Variants in TPO observed in about 807,000 individuals in gnomAD.
TPO encodes thyroid microsomal antigen.
TPO carries 78 observed loss-of-function variants against 96.9 expected under a neutral mutation model. That is an observed-to-expected ratio of 0.81 (90% CI 0.67 to 0.97). The LOEUF (loss-of-function observed/expected upper bound fraction) is 0.97. TPO is among the 50% of genes least tolerant of loss of function. The pLI, the probability that TPO is intolerant of heterozygous loss-of-function variation, is 0.00. For synonymous variants in TPO, 547 were observed against 538.0 expected (o/e 1.02, Z -0.23); for missense variants, 1,252 against 1,274.8 (o/e 0.98, Z 0.27).
rs981172654 is a variant in TPO, at chr2:1,394,412, C to T, written n.180+20010C>T. ...CAGAAGCACCTTGATCTGCCAAGAC[C>T]TCAAAATACGGGCTGGCCCAGCCAC... On this transcript the variant is annotated intron_variant and non_coding_transcript_variant, in intron 1 of 5. Transcript: ENST00000497517. 5.9e-4 allele frequency among the ~76,000 whole-genome samples: 90 copies of T among 152,304 alleles called. 1 individual carries two copies. Among genetic ancestry groups the T allele is most frequent in the African/African-American group, 2.1e-3 (89 of 41,576 alleles).
intron 5 of TPO, among the ~76,000 whole-genome samples, chr2:1,453,055 C>T (rs888770729): frequency 6.6e-6 from 1 of 152,218 alleles, no homozygotes; most frequent in African/African-American, 2.4e-5. Flanking sequence ...CCATTGTCAT[C>T]GCCAAATCAA....
At chr2:1,432,952 C>T (rs1022131049) in intron 3 of TPO, among the ~76,000 whole-genome samples, 3 of 152,152 alleles carry the variant, frequency 2.0e-5, no homozygotes, top group Non-Finnish European at 2.9e-5. Context: ...TTTGCTGCCC[C>T]GTTCTAGGGC....
intron 9 of TPO, among the ~76,000 whole-genome samples, chr2:1,487,022 G>A (rs1385142775): frequency 6.6e-6 from 1 of 152,184 alleles, no homozygotes; most frequent in Non-Finnish European, 1.5e-5. Flanking sequence ...TAAAGACTCT[G>A]GTGGCATGCA....
intron 15 of TPO, among the ~76,000 whole-genome samples, chr2:1,533,805 G>A (rs1405056788): frequency 3.8e-5 from 1 of 26,084 alleles, no homozygotes; most frequent in Admixed American, 6.5e-4. Flanking sequence ...TGTGTGCAAC[G>A]TCCCCAAATC....
intron 1 of TPO, among the ~76,000 whole-genome samples, chr2:1,404,410 C>T (rs1018683294): frequency 6.6e-6 from 1 of 152,116 alleles, no homozygotes; most frequent in Non-Finnish European, 1.5e-5. Context: ...TGAACTGTGT[C>T]CCCAGGGTTC....
At chr2:1,461,260 C>G (rs1668406840) in intron 7 of TPO, among the ~76,000 whole-genome samples, 1 of 152,172 alleles carries the variant, frequency 6.6e-6, no homozygotes, top group Non-Finnish European at 1.5e-5. Context: ...CCAGAGGCTC[C>G]TTCCTCCACC....
At chr2:1,439,227 A>C in intron 5 of TPO, 1 of 202,542 alleles carries the variant, frequency 4.9e-6, no homozygotes, top group Non-Finnish European at 1.0e-5. Context: ...TGACCACACA[A>C]TGACATTGGC....
intron 15 of TPO, among the ~76,000 whole-genome samples, chr2:1,526,279 C>T (rs1269962084): frequency 8.4e-6 from 1 of 119,180 alleles, no homozygotes; most frequent in East Asian, 2.9e-4. Flanking sequence ...CCAGTCCCCC[C>T]ACAGTGTGCA....
intron 7 of TPO, among the ~76,000 whole-genome samples, chr2:1,461,385 T>G (rs1254979693): frequency 4.6e-5 from 7 of 152,232 alleles, no homozygotes; most frequent in African/African-American, 1.4e-4. Flanking sequence ...TAAAGCAAGT[T>G]AAAGATTTTG....
chr2:1,512,047 T>C (rs1674189716), intron 14 of TPO, among the ~76,000 whole-genome samples: 1 of 152,304 alleles, frequency 6.6e-6, no homozygotes, highest in South Asian at 2.1e-4. Flanking sequence ...ATCTTTTTTT[T>C]TTTTGAGACG....
At chr2:1,504,376 G>C (rs1400106565) in intron 14 of TPO, among the ~76,000 whole-genome samples, 1 of 152,076 alleles carries the variant, frequency 6.6e-6, no homozygotes, top group Non-Finnish European at 1.5e-5. Flanking sequence ...TCACACCCCA[G>C]ACAAAAAACC....
intron 2 of TPO, among the ~76,000 whole-genome samples, chr2:1,421,417 A>G (rs1030401434): frequency 2.6e-5 from 4 of 152,144 alleles, no homozygotes; most frequent in African/African-American, 9.7e-5. Flanking sequence ...AAACCGCGCC[A>G]GGTGAAGTGA....
intron 1 of TPO, among the ~76,000 whole-genome samples, chr2:1,404,671 T>C (rs10890517): frequency 0.97 from 147,957 of 152,254 alleles, 71,911 homozygotes; most frequent in East Asian, 1. Flanking sequence ...GACTCTTGGA[T>C]GTTTGGTCTC....
chr2:1,508,772 C>T (rs1331850572), intron 14 of TPO, among the ~76,000 whole-genome samples: 2 of 152,088 alleles, frequency 1.3e-5, no homozygotes, highest in African/African-American at 2.4e-5. Context: ...TGATTCTTCT[C>T]TCTTTTCTTC....
chr2:1,540,832 TGTTTCCTAGTCC>T, intron 16 of TPO, 109 bp downstream of exon 16: 1 of 1,589,122 alleles, frequency 6.3e-7, no homozygotes, highest in Non-Finnish European at 8.6e-7. Flanking sequence ...GTTTACTCCG[TGTTTCCTAGTCC>T]GTTCTGCACC....
Position 1,484,528 on chromosome 2 carries a change from A to G in TPO, c.1339-68A>G, listed in dbSNP as rs965814391. 22 of 1,607,258 alleles carry G rather than the reference A, an allele frequency of 1.4e-5. 1 individual carries two copies. In the Admixed American group the frequency reaches 3.2e-4, roughly 23 times the overall value. ...GCTGTCAAGGAAGATGCTCTTCCAC[A>G]CTGCCGCTCGAGGCGACCCTCCTCT... On this transcript the variant is annotated intron_variant, in intron 8 of 16. Transcript: ENST00000329066.
chr2:1,500,628 C>T (rs1444901544), intron 13 of TPO, among the ~76,000 whole-genome samples: 1 of 152,176 alleles, frequency 6.6e-6, no homozygotes, highest in African/African-American at 2.4e-5. Context: ...CTGCTCTCTT[C>T]TCTATTCAAA....
chr2:1,444,458 A>G (rs891800792), intron 5 of TPO, among the ~76,000 whole-genome samples: 2 of 132,260 alleles, frequency 1.5e-5, no homozygotes, highest in African/African-American at 2.9e-5. Context: ...TCTTGTTTGT[A>G]TGATGCAGTC....
At position 1,542,572 on chromosome 2, in the gene TPO, C is replaced by T. The variant is rs752865518; in HGVS notation, c.*98C>T. 2 of 1,577,722 alleles carry T rather than the reference C, an allele frequency of 1.3e-6. No homozygotes were observed. Among genetic ancestry groups the T allele is most frequent in the African/African-American group, 1.3e-5 (1 of 74,228 alleles). On this transcript the variant is annotated 3_prime_UTR_variant, in exon 17 of 17. Transcript: ENST00000329066. ...GGCAAATCCGAAATCAGCAGGACGA[C>T]TGTTTTCCCAACACGGGTAAATCTA...
Sources: gnomAD v4.1 joint callset for allele counts (sites outside exome capture counted in the v4.1 genomes callset) on GRCh38, gnomAD v4.1.1 for gene constraint, MANE v1.5 for transcripts, NCBI Gene and HGNC (gene_info 2026-07-23, HGNC 2026-07-21) for gene names.